AUTS2: variants seen among roughly 807,000 people sequenced by gnomAD.
AUTS2 encodes activator of transcription and developmental regulator AUTS2.
Under a neutral mutation model 112.4 loss-of-function variants are expected in AUTS2, and 17 were observed. The observed-to-expected ratio is 0.15, with a 90% CI of 0.10 to 0.23. AUTS2 has a LOEUF of 0.23. AUTS2 is among the 10% of genes least tolerant of loss of function. The probability of loss-of-function intolerance (pLI) is 1.00; values close to 1 mark genes in which losing one functional copy is unlikely to be tolerated. For missense variants in AUTS2, 1,510 were observed against 1,701.6 expected (o/e 0.89, Z 1.98); for synonymous variants, 751 against 702.7 (o/e 1.07, Z -1.09).
In AUTS2 at chr7:70,019,008, A is replaced by G. The variant is rs564799176; in HGVS notation, c.523-99124A>G. Among the ~76,000 whole-genome samples, 52 of 152,324 alleles carry G rather than the reference A, an allele frequency of 3.4e-4. 1 individual carries two copies. Among genetic ancestry groups the G allele is most frequent in the African/African-American group, 1.1e-3 (45 of 41,572 alleles). ...TCACAGTATCAAAGGCATGGAATCAACCTAAATGCCCATCAATGGTAGACT... is the reference window on the plus strand; with the variant it reads ...TCACAGTATCAAAGGCATGGAATCAGCCTAAATGCCCATCAATGGTAGACT... On this transcript the variant is annotated intron_variant, in intron 2 of 18. Coordinates refer to ENST00000342771, the MANE Select transcript of AUTS2 (RefSeq NM_015570.4).
intron 1 of AUTS2, among the ~76,000 whole-genome samples, chr7:69,897,648 C>T (rs1794807176): frequency 6.6e-6 from 1 of 151,142 alleles, no homozygotes; most frequent in South Asian, 2.1e-4. Flanking sequence ...ACCCCAGCTA[C>T]TCGGGAGGCT....
chr7:69,677,666 A>G (rs1796618093), intron 1 of AUTS2, among the ~76,000 whole-genome samples: 1 of 152,182 alleles, frequency 6.6e-6, no homozygotes, highest in Non-Finnish European at 1.5e-5. Flanking sequence ...GGTGTTTTTC[A>G]GATATTCTTA....
At chr7:69,973,853 C>T (rs1017066455) in intron 2 of AUTS2, among the ~76,000 whole-genome samples, 2 of 151,952 alleles carry the variant, frequency 1.3e-5, no homozygotes, top group Non-Finnish European at 2.9e-5. Flanking sequence ...TTGTTAAGGA[C>T]TTTTGCATCT....
At chr7:70,105,493 A>G (rs1440060684) in intron 2 of AUTS2, among the ~76,000 whole-genome samples, 1 of 152,102 alleles carries the variant, frequency 6.6e-6, no homozygotes, top group Non-Finnish European at 1.5e-5. Flanking sequence ...TTGTCCCTCA[A>G]GTGATCTTCC....
intron 4 of AUTS2, among the ~76,000 whole-genome samples, chr7:70,284,084 T>C (rs13232151): frequency 6.6e-6 from 1 of 152,326 alleles, no homozygotes; most frequent in East Asian, 1.9e-4. Flanking sequence ...TATATGATCA[T>C]TGCAAAACAA....
intron 5 of AUTS2, among the ~76,000 whole-genome samples, chr7:70,599,039 T>C (rs1803340695): frequency 6.6e-6 from 1 of 152,260 alleles, no homozygotes; most frequent in African/African-American, 2.4e-5. Flanking sequence ...ACCCTGCCTC[T>C]ACTTTTCTTT....
chr7:70,604,545 A>G, intron 5 of AUTS2, among the ~76,000 whole-genome samples: 1 of 152,262 alleles, frequency 6.6e-6, no homozygotes, highest in East Asian at 1.9e-4. Context: ...TTCACCTTAC[A>G]GGACAGGTAA....
chr7:70,776,706 C>A, intron 13 of AUTS2: 1 of 278,356 alleles, frequency 3.6e-6, no homozygotes, highest in Non-Finnish European at 6.9e-6. Context: ...CACTAATGAG[C>A]TCTTCTGAAC....
intron 4 of AUTS2, among the ~76,000 whole-genome samples, chr7:70,181,635 C>T (rs1485946090): frequency 6.6e-5 from 10 of 151,750 alleles, no homozygotes; most frequent in Admixed American, 2.0e-4. Context: ...TGCAGGCACT[C>T]GCCACCACAC....
intron 1 of AUTS2, among the ~76,000 whole-genome samples, chr7:69,797,853 T>C (rs945028068): frequency 6.6e-6 from 1 of 152,216 alleles, no homozygotes; most frequent in Non-Finnish European, 1.5e-5. Flanking sequence ...TGAATGGACC[T>C]TATTTTTTAT....
At chr7:70,356,215 C>T (rs781636120) in intron 4 of AUTS2, among the ~76,000 whole-genome samples, 7 of 152,302 alleles carry the variant, frequency 4.6e-5, no homozygotes, top group Admixed American at 3.9e-4. Flanking sequence ...CTGCTTCAGT[C>T]TCTGTGAACA....
At chr7:69,817,466 G>A (rs1790812434) in intron 1 of AUTS2, among the ~76,000 whole-genome samples, 2 of 152,158 alleles carry the variant, frequency 1.3e-5, no homozygotes, top group Non-Finnish European at 2.9e-5. Context: ...AACCTTAGTG[G>A]TCATTTGGGA....
At chr7:70,134,143 G>A (rs928021769) in intron 3 of AUTS2, among the ~76,000 whole-genome samples, 1 of 151,934 alleles carries the variant, frequency 6.6e-6, no homozygotes, top group Admixed American at 6.6e-5. Flanking sequence ...GCCCCTTTGC[G>A]GCCACAAAAC....
intron 14 of AUTS2, among the ~76,000 whole-genome samples, chr7:70,778,982 C>CAATT (rs1790884558): frequency 6.6e-6 from 1 of 152,164 alleles, no homozygotes; most frequent in African/African-American, 2.4e-5. Flanking sequence ...TATCCCAATT[C>CAATT]AATTAGAAAG....
At chr7:70,630,237 T>C (rs557180027) in intron 5 of AUTS2, among the ~76,000 whole-genome samples, 1 of 152,180 alleles carries the variant, frequency 6.6e-6, no homozygotes, top group Non-Finnish European at 1.5e-5. Flanking sequence ...AAAGCTGGGC[T>C]CTGGCTGGAG....
chr7:70,168,553 G>T lies in AUTS2; in HGVS notation c.660+33982G>T, dbSNP rs1323903095. 7.2e-5 allele frequency among the ~76,000 whole-genome samples: 11 copies of T among 152,260 alleles called. 1 individual carries two copies. In the South Asian group the frequency reaches 2.1e-3, roughly 29 times the overall value. ...TTGGTCTTGTACTCCTGAACCTGAG[G>T]TGACCTGCCCGCCTTGGCTTCCCTA... On this transcript the variant is annotated intron_variant, in intron 4 of 18. Transcript: ENST00000342771.
At chr7:69,668,564 A>G (rs984147304) in intron 1 of AUTS2, among the ~76,000 whole-genome samples, 2 of 152,194 alleles carry the variant, frequency 1.3e-5, no homozygotes, top group Non-Finnish European at 2.9e-5. Context: ...TCAAGAGAGT[A>G]AATATCTTTT....
At chr7:69,717,321 C>T (rs545103683) in intron 1 of AUTS2, among the ~76,000 whole-genome samples, 1 of 152,304 alleles carries the variant, frequency 6.6e-6, no homozygotes, top group Non-Finnish European at 1.5e-5. Context: ...GGTTATGGAG[C>T]AGCTGCTGGC....
intron 4 of AUTS2, among the ~76,000 whole-genome samples, chr7:70,273,143 G>C (rs917142854): frequency 6.6e-6 from 1 of 152,026 alleles, no homozygotes; most frequent in Non-Finnish European, 1.5e-5. Context: ...CCACCTCCTA[G>C]GCTCAAACAA....
Sources: gnomAD v4.1 joint callset for allele counts (sites outside exome capture counted in the v4.1 genomes callset) on GRCh38, gnomAD v4.1.1 for gene constraint, MANE v1.5 for transcripts, NCBI Gene and HGNC (gene_info 2026-07-23, HGNC 2026-07-21) for gene names.